Variants in NPHP4 observed in about 807,000 individuals in gnomAD.
The protein encoded by NPHP4 is nephrocystin-4.
A neutral mutation model predicts 155.8 loss-of-function variants in NPHP4; 151 were observed. The ratio of observed to expected loss-of-function variants is 0.97; its 90% CI spans 0.85 to 1.11. NPHP4 has a LOEUF of 1.11. Among genes scored for constraint, NPHP4 ranks in the 50% least tolerant of loss-of-function variants. The pLI, the probability that NPHP4 is intolerant of heterozygous loss-of-function variation, is 0.00. For synonymous variants in NPHP4, 845 were observed against 816.8 expected (o/e 1.03, Z -0.59); for missense variants, 1,956 against 1,925.7 (o/e 1.02, Z -0.29).
chr1:5,894,325 A>G (rs1644287139), intron 16 of NPHP4, among the ~76,000 whole-genome samples: 2 of 152,186 alleles, frequency 1.3e-5, no homozygotes, highest in Non-Finnish European at 2.9e-5. Flanking sequence ...ATAGTGGTGC[A>G]TGCCTGTAGC....
chr1:5,868,838 C>T (rs1164885379), intron 23 of NPHP4, among the ~76,000 whole-genome samples: 1 of 124,026 alleles, frequency 8.1e-6, no homozygotes, highest in Non-Finnish European at 1.7e-5. Context: ...ACACACGCAC[C>T]CACACACGCA....
intron 4 of NPHP4, among the ~76,000 whole-genome samples, chr1:5,967,885 C>T (rs965589138): frequency 2.6e-5 from 4 of 151,998 alleles, no homozygotes; most frequent in African/African-American, 7.2e-5. Context: ...ATTATCCATT[C>T]GCAAGTCAGT....
intron 23 of NPHP4, among the ~76,000 whole-genome samples, chr1:5,869,605 T>C (rs1417312640): frequency 6.6e-6 from 1 of 152,262 alleles, no homozygotes; most frequent in Non-Finnish European, 1.5e-5. Flanking sequence ...TTTAAGTAAA[T>C]GTAAATCACA....
In NPHP4 at chr1:5,948,248, A is replaced by T. The variant is rs781328464; in HGVS notation, c.814T>A (p.Cys272Ser). ...LHVQDHFQEG[C>S]GPLDGGALEI... The stretch of plus-strand genomic sequence containing the variant: ...AGGGCACCACCGTCCAGTGGGCCAC[A>T]TCCCTGGAAGAGGCACAGAAGGAAT... Residue 272 changes from cysteine (C) to serine (S), a missense_variant, in exon 8 of 30, where the codon TGT (cysteine) becomes AGT (serine). Physicochemically the swap from Cys to Ser is moderately radical, Grantham distance 112 (BLOSUM62 -1). Coordinates refer to ENST00000378156, the MANE Select transcript of NPHP4 (RefSeq NM_015102.5). 1 of 1,562,614 alleles carries T rather than the reference A, an allele frequency of 6.4e-7. No homozygotes were observed. Among genetic ancestry groups the T allele is most frequent in the Non-Finnish European group, 8.6e-7 (1 of 1,157,368 alleles).
chr1:5,966,377 C>A (rs1651502904), intron 5 of NPHP4, among the ~76,000 whole-genome samples: 1 of 152,066 alleles, frequency 6.6e-6, no homozygotes, highest in East Asian at 1.9e-4. Context: ...TCCTGAGTAG[C>A]TGGAACTACA....
rs797016238 is a variant in NPHP4 at position 5,888,388 on chromosome 1, G to A, written c.2305-922C>T. 11 of 1,091,348 alleles carry A rather than the reference G, an allele frequency of 1.0e-5. No individual in the cohort carries two copies. The East Asian group carries it at 8.3e-4, about 82-fold the overall frequency. The allele number at this position is 1,091,348 out of a possible 1,614,324, so 67.6% of individuals were successfully genotyped here. On this transcript the variant is annotated intron_variant, in intron 17 of 29. Coordinates refer to ENST00000378156, the MANE Select transcript of NPHP4 (RefSeq NM_015102.5). ...TAAGAAGCAGTGTGGGAGCAGATGA[G>A]GTTCCGGATTTTGTAATTCTCCAGT... is the stretch of plus-strand genomic sequence containing the variant.
chr1:5,948,950 T>C (rs761938885), intron 7 of NPHP4, among the ~76,000 whole-genome samples: 3 of 152,220 alleles, frequency 2.0e-5, no homozygotes, highest in South Asian at 4.1e-4. Context: ...CTTTGCAAAA[T>C]GATCCTCAAA....
intron 2 of NPHP4, among the ~76,000 whole-genome samples, chr1:5,984,571 G>T (rs879908694): frequency 6.6e-6 from 1 of 152,190 alleles, no homozygotes. Flanking sequence ...CGGAATACAG[G>T]AAGTACCATT....
intron 6 of NPHP4, among the ~76,000 whole-genome samples, chr1:5,953,617 T>C (rs1337044216): frequency 6.6e-6 from 1 of 152,032 alleles, no homozygotes; most frequent in Non-Finnish European, 1.5e-5. Flanking sequence ...ACCAGCAAAA[T>C]ACAGCCTGAA....
In NPHP4 at chr1:5,909,140, G is replaced by A. The variant is rs1489750005; in HGVS notation, c.1503+12C>T. 31 of 1,587,092 alleles carry A rather than the reference G, an allele frequency of 2.0e-5. No homozygotes were observed. Among genetic ancestry groups the A allele is most frequent in the African/African-American group, 5.4e-5 (4 of 74,372 alleles). On this transcript the variant is annotated intron_variant, in intron 12 of 29. Transcript: ENST00000378156. ...GGAATTCTGAAGGAGGCCGTGGGGGGCCTGGACTTACCCCTGGTCCCACAG... is the reference window on the plus strand; with the variant it reads ...GGAATTCTGAAGGAGGCCGTGGGGGACCTGGACTTACCCCTGGTCCCACAG...
chr1:5,864,973 C>T (rs1641050236), intron 27 of NPHP4, 129 bp downstream of exon 27: 6 of 876,772 alleles, frequency 6.8e-6, no homozygotes, highest in Middle Eastern at 3.4e-4. Context: ...CTGGTAACAG[C>T]GTCTGCGCGC....
At chr1:5,977,548 C>T (rs74566205) in intron 3 of NPHP4, among the ~76,000 whole-genome samples, 11,132 of 151,884 alleles carry the variant, frequency 0.073, 496 homozygotes, top group Middle Eastern at 0.12. Context: ...AGTGCGTCTC[C>T]GAAACAGTCT....
chr1:5,964,935 A>ATTTTTTTTTTTTTTTTTTTTT (rs1476774217), intron 5 of NPHP4, among the ~76,000 whole-genome samples: 2 of 31,970 alleles, frequency 6.3e-5, no homozygotes, highest in East Asian at 6.8e-4. Context: ...ATATATATAT[A>ATTTTTTTTTTTTTTTTTTTTT]TATATATTTT....
At chr1:5,895,611 G>A (rs932912532) in intron 16 of NPHP4, among the ~76,000 whole-genome samples, 3 of 152,176 alleles carry the variant, frequency 2.0e-5, no homozygotes, top group African/African-American at 7.2e-5. Context: ...TGAGCAGGAG[G>A]AAACCAGCAG....
At chr1:5,986,106 T>G (rs2102454383) in intron 2 of NPHP4, 49 bp downstream of exon 2, 5 of 1,606,336 alleles carry the variant, frequency 3.1e-6, no homozygotes, top group Non-Finnish European at 4.3e-6. Flanking sequence ...GGAAGCCTCA[T>G]GTCAGCTAAG....
chr1:5,884,891 A>G (rs115068982), intron 18 of NPHP4, among the ~76,000 whole-genome samples: 1,425 of 140,204 alleles, frequency 0.01, 32 homozygotes, highest in African/African-American at 0.036. Context: ...CACGACCAAG[A>G]TAACTGCCCA....
At chr1:5,960,985 T>C (rs796140567) in intron 6 of NPHP4, among the ~76,000 whole-genome samples, 28 of 152,284 alleles carry the variant, frequency 1.8e-4, no homozygotes, top group African/African-American at 6.0e-4. Context: ...GGTCCATCCA[T>C]AGACTGGAAT....
chr1:5,957,256 C>G (rs1649420223), intron 6 of NPHP4, among the ~76,000 whole-genome samples: 2 of 152,182 alleles, frequency 1.3e-5, no homozygotes, highest in South Asian at 4.1e-4. Flanking sequence ...TATTCTGGGA[C>G]CCCCATAAGC....
At chr1:5,954,938 T>G (rs1648891930) in intron 6 of NPHP4, among the ~76,000 whole-genome samples, 1 of 151,218 alleles carries the variant, frequency 6.6e-6, no homozygotes, top group African/African-American at 2.4e-5. Context: ...AGTGAAGAGA[T>G]AACCTGCACA....
Sources: allele counts gnomAD v4.1 joint callset (sites outside exome capture counted in the v4.1 genomes callset), GRCh38; gene constraint gnomAD v4.1.1; transcripts MANE v1.5; gene names NCBI Gene and HGNC (gene_info 2026-07-23, HGNC 2026-07-21).